The following CSF2RA variants were observed in gnomAD, a reference collection of about 807,000 sequenced individuals.
CSF2RA encodes granulocyte-macrophage colony-stimulating factor receptor subunit alpha.
CSF2RA carries 42 observed loss-of-function variants against 51.6 expected under a neutral mutation model. That is an observed-to-expected ratio of 0.81 (90% CI 0.64 to 1.05). The LOEUF (loss-of-function observed/expected upper bound fraction) is 1.05, where lower values mean the gene tolerates loss of function less well. Ranked by LOEUF, CSF2RA falls within the 50% of genes least tolerant of loss-of-function variation. The pLI is 0.00. For synonymous variants in CSF2RA, 222 were observed against 193.0 expected (o/e 1.15, Z -1.24); for missense variants, 530 against 501.1 (o/e 1.06, Z -0.55).
At chrX:1,303,845 G>A (rs1389113891) in intron 10 of CSF2RA, 78 bp from the exon 11 acceptor site, 1 of 1,223,024 alleles carries the variant, frequency 8.2e-7, no homozygotes, top group Non-Finnish European at 1.2e-6. Context: ...AATGCATTTG[G>A]ACACCCGAAG....
At chrX:1,300,674 C>G (rs755901746) in intron 10 of CSF2RA, 48 bp downstream of exon 10, 4 of 1,613,502 alleles carry the variant, frequency 2.5e-6, no homozygotes, top group South Asian at 2.2e-5. Context: ...CTGCGGCCAC[C>G]CTGCAGCAGG....
intron 12 of CSF2RA, among the ~76,000 whole-genome samples, chrX:1,306,264 CAG>C (rs1201671190): frequency 3.6e-4 from 55 of 151,638 alleles, no homozygotes; most frequent in Middle Eastern, 3.4e-3. Flanking sequence ...GACAGAGAAA[CAG>C]AGAGAGGGAG....
At chrX:1,286,412 T>C (rs1308300913) in intron 4 of CSF2RA, among the ~76,000 whole-genome samples, 2 of 151,304 alleles carry the variant, frequency 1.3e-5, no homozygotes, top group South Asian at 2.1e-4. Context: ...CTACTAAAAA[T>C]ACAAAAATTA....
downstream of CSF2RA, among the ~76,000 whole-genome samples, chrX:1,311,881 C>T (rs187817216): frequency 3.5e-4 from 53 of 152,290 alleles, no homozygotes; most frequent in East Asian, 7.3e-3. Context: ...TTGGTGGTTG[C>T]TGTCACTCAG....
intron 2 of CSF2RA, among the ~76,000 whole-genome samples, chrX:1,278,188 G>A (rs2089447934): frequency 6.8e-6 from 1 of 146,382 alleles, no homozygotes; most frequent in South Asian, 2.1e-4. Context: ...ACAAAAATTA[G>A]CCAGGCATGG....
chrX:1,296,027 T>C (rs2091914852), intron 9 of CSF2RA, among the ~76,000 whole-genome samples: 1 of 149,350 alleles, frequency 6.7e-6, no homozygotes, highest in South Asian at 2.1e-4. Context: ...ACGCCTACAG[T>C]TCCCTATTCA....
In CSF2RA at chrX:1,306,551, G is replaced by A. The variant is rs764860275; in HGVS notation, c.1125+1024G>A. 2.6e-5 allele frequency among the ~76,000 whole-genome samples: 4 copies of A among 152,034 alleles called. No homozygotes were observed. The East Asian group carries it at 7.8e-4, about 30-fold the overall frequency. ...AATCCCACCTACTCTGGAGGCTGAGGCAGGAGAATCACTTGAACCCAGGAG... is the reference window on the plus strand; with the variant it reads ...AATCCCACCTACTCTGGAGGCTGAGACAGGAGAATCACTTGAACCCAGGAG... On this transcript the variant is annotated intron_variant, in intron 12 of 12. Transcript: ENST00000381529.
downstream of CSF2RA, among the ~76,000 whole-genome samples, chrX:1,314,929 A>G (rs1270161246): frequency 1.1e-5 from 1 of 87,094 alleles, no homozygotes; most frequent in African/African-American, 4.1e-5. Flanking sequence ...GCCCAACCGC[A>G]CTGCACTTGC....
At chrX:1,322,439 GTTTTTTTTTTTT>G in the CSF2RA span, among the ~76,000 whole-genome samples, 8 of 120,690 alleles carry the variant, frequency 6.6e-5, no homozygotes, top group South Asian at 5.7e-4. Context: ...GTGTGTGTTT[GTTTTTTTTTTTT>G]TTTTTTTTGA....
chrX:1,324,180 GC>G, the CSF2RA span, among the ~76,000 whole-genome samples: 3 of 150,638 alleles, frequency 2.0e-5, no homozygotes, highest in Non-Finnish European at 4.4e-5. Context: ...GTGTAACTCT[GC>G]CTTTAAAAAC....
At chrX:1,322,169 A>G in the CSF2RA span, among the ~76,000 whole-genome samples, 103,511 of 150,646 alleles carry the variant, frequency 0.69, 35,864 homozygotes, top group Non-Finnish European at 0.75. Context: ...GCAATGGCGC[A>G]ATCTCTGGTC....
chrX:1,299,275 C>T (rs1331743149), intron 9 of CSF2RA, among the ~76,000 whole-genome samples: 8 of 152,184 alleles, frequency 5.3e-5, no homozygotes, highest in South Asian at 2.1e-4. Context: ...GTACTGTTGC[C>T]GGGTATTTAC....
intron 3 of CSF2RA, among the ~76,000 whole-genome samples, chrX:1,283,715 C>G (rs1398266856): frequency 6.6e-6 from 1 of 151,772 alleles, no homozygotes; most frequent in South Asian, 2.1e-4. Flanking sequence ...TTACAGGCGC[C>G]TGCCACCAGG....
At chrX:1,283,413 CCTCT>C (rs768694200) in intron 3 of CSF2RA, among the ~76,000 whole-genome samples, 12 of 147,138 alleles carry the variant, frequency 8.2e-5, no homozygotes, top group African/African-American at 2.5e-4. Flanking sequence ...TCCCTCCTTC[CCTCT>C]CTCTCTTTCT....
chrX:1,285,385 C>T, intron 3 of CSF2RA, among the ~76,000 whole-genome samples: 1 of 151,878 alleles, frequency 6.6e-6, no homozygotes, highest in African/African-American at 2.4e-5. Flanking sequence ...CCTCCCAGAG[C>T]CGGGTGGGAG....
Position 1,286,017 on chromosome X carries a change from C to A in CSF2RA, c.219+97C>A, listed in dbSNP as rs28521253. The A allele has an allele frequency of 0.4, 576,156 of 1,455,366 alleles. 115,447 individuals carry two copies. Among genetic ancestry groups the A allele is most frequent in the Middle Eastern group, 0.43 (2,298 of 5,302 alleles). The allele number at this position is 1,455,366 out of a possible 1,614,324, so 90.2% of individuals were successfully genotyped here. ...GCTGGGCGCGGCGGCTCACGCCTGT[C>A]ATCCCAGCACTTTGGGAGGCTGAGG... On this transcript the variant is annotated intron_variant, in intron 4 of 12. Transcript: ENST00000381529.
At chrX:1,305,380 G>A in intron 11 of CSF2RA, 66 bp from the exon 12 acceptor site, 10 of 1,561,978 alleles carry the variant, frequency 6.4e-6, no homozygotes, top group Non-Finnish European at 8.8e-6. Context: ...TCGGCACAGG[G>A]CGTTGATGGA....
the CSF2RA span, among the ~76,000 whole-genome samples, chrX:1,319,714 GT>G: frequency 0.18 from 21,700 of 121,168 alleles, 3,071 homozygotes; most frequent in East Asian, 0.38. Context: ...CGCCTTTGCT[GT>G]TTTTTTTTTT....
At chrX:1,284,195 C>CTCTCTT (rs1443798206) in intron 3 of CSF2RA, among the ~76,000 whole-genome samples, 11 of 91,786 alleles carry the variant, frequency 1.2e-4, no homozygotes, top group Middle Eastern at 7.2e-3. Context: ...CTCTGTCTCT[C>CTCTCTT]TTTTTTTTTT....
Sources: allele counts gnomAD v4.1 joint callset (sites outside exome capture counted in the v4.1 genomes callset), GRCh38; gene constraint gnomAD v4.1.1; transcripts MANE v1.5; gene names NCBI Gene and HGNC (gene_info 2026-07-23, HGNC 2026-07-21).